The following EPHA2 variants were observed in gnomAD, a reference collection of about 807,000 sequenced individuals.
The protein encoded by EPHA2 is EPH receptor A2.
EPHA2 carries 54 observed loss-of-function variants against 104.9 expected under a neutral mutation model. The ratio of observed to expected loss-of-function variants is 0.51; its 90% CI spans 0.41 to 0.65. The LOEUF (loss-of-function observed/expected upper bound fraction) is 0.65. EPHA2 is among the 30% of genes least tolerant of loss of function. EPHA2 has a pLI of 0.00. For synonymous variants in EPHA2, 560 were observed against 559.1 expected, an observed-to-expected ratio of 1.00 and a Z score of -0.02; for missense variants, 1,117 against 1,369.5, an observed-to-expected ratio of 0.82 and a Z score of 2.91.
intron 16 of EPHA2, among the ~76,000 whole-genome samples, chr1:16,126,885 G>A (rs532152142): frequency 5.4e-4 from 82 of 152,188 alleles, no homozygotes; most frequent in Non-Finnish European, 9.1e-4. Flanking sequence ...ACCTGCTCCC[G>A]CCCCCACCCC....
rs1466315681 is a variant in EPHA2 at position 16,148,587 on chromosome 1, A to G, written c.614T>C (p.Leu205Pro). Residue 205 changes from leucine (L) to proline (P), a missense_variant, in exon 3 of 17, where the codon CTG becomes CCG. Leu to Pro is a moderately conservative substitution (Grantham distance 98, BLOSUM62 -3). This residue lies in a region of EPHA2 where 664 missense variants were observed against 784.8 expected (regional missense o/e 0.85). Transcript: ENST00000358432. This position sits in a 1 kb window ranked among gnomAD's most constrained non-coding sequence, Gnocchi z 4.9. ...RVYYKKCPEL[L>P]QGLAHFPETI... ...CTCAGGGAAGTGGGCCAGGCCCTGC[A>G]GCAGCTCGGGGCACTTCTTGTAGTA... The G allele has an allele frequency of 3.7e-6, 6 of 1,610,982 alleles. No individual in the cohort carries two copies. Among genetic ancestry groups the G allele is most frequent in the Non-Finnish European group, 5.1e-6 (6 of 1,179,972 alleles).
rs376750085 is a variant in EPHA2, at chr1:16,142,071, C to T, written c.824-3641G>A. On this transcript the variant is annotated intron_variant, in intron 3 of 16. Transcript: ENST00000358432. ...AGTGGGGACAGGGGTCACACACACT[C>T]AAACACACCCACATACACCAGATAC... Among the ~76,000 whole-genome samples the T allele has an allele frequency of 1.4e-4, 22 of 152,306 alleles. 1 individual carries two copies. In the East Asian group the frequency reaches 3.7e-3, roughly 25 times the overall value.
Position 16,135,089 on chromosome 1 carries a change from A to T in EPHA2, c.1529T>A (p.Leu510Gln). The change falls in exon 7 of 17, where the codon CTG becomes CAG. Residue 510 changes from leucine to glutamine, a missense_variant. Coordinates refer to ENST00000358432, the MANE Select transcript of EPHA2 (RefSeq NM_004431.5). The surrounding 1 kb of genome is among the most constrained non-coding windows in gnomAD (Gnocchi z 4.3). ...DTTYLVQVQALTQEGQGAGSK... is the reference protein window; with the variant it reads ...DTTYLVQVQAQTQEGQGAGSK... Reference sequence around the variant, plus strand: ...GCCGGCCCCCTGGCCCTCCTGCGTCAGTGCCTGCACCTGGACCAGGTAGGT... The same window carrying T: ...GCCGGCCCCCTGGCCCTCCTGCGTCTGTGCCTGCACCTGGACCAGGTAGGT... 6.2e-7 allele frequency: 1 copy of T among 1,613,850 alleles called. No individual in the cohort carries two copies. Among genetic ancestry groups the T allele is most frequent in the Non-Finnish European group, 8.5e-7 (1 of 1,180,012 alleles).
Position 16,135,311 on chromosome 1 carries a change from C to T in EPHA2, c.1429-122G>A, listed in dbSNP as rs2024662575. The T allele has an allele frequency of 9.9e-6, 13 of 1,308,908 alleles. 2 individuals are homozygous for T. The South Asian group carries it at 1.6e-4, about 16-fold the overall frequency. The allele number at this position is 1,308,908 out of a possible 1,614,324, so 81.1% of individuals were successfully genotyped here. ...TGCCTTTGTTAGCAAACTTGAGGCT[C>T]TTCTTACAGAGGAGGAAACTGAGGC... On this transcript the variant is annotated intron_variant, in intron 6 of 16. Coordinates refer to ENST00000358432, the MANE Select transcript of EPHA2 (RefSeq NM_004431.5). This position sits in a 1 kb window ranked among gnomAD's most constrained non-coding sequence, Gnocchi z 4.3.
rs1476576009 is a variant in EPHA2 at position 16,135,589 on chromosome 1, CTA to C, written c.1428+64_1428+65del. Reference sequence around the variant, plus strand: ...GATGGCTGGGTGGTTTGGTGATCATCTATGTGACCAGCCTGTCCCCTGCTGTC... The same window carrying C: ...GATGGCTGGGTGGTTTGGTGATCATCTGTGACCAGCCTGTCCCCTGCTGTC... On this transcript the variant is annotated intron_variant, in intron 6 of 16. Coordinates refer to ENST00000358432, the MANE Select transcript of EPHA2 (RefSeq NM_004431.5). This position sits in a 1 kb window ranked among gnomAD's most constrained non-coding sequence, Gnocchi z 4.3. 2 of 1,464,540 alleles carry C rather than the reference CTA, an allele frequency of 1.4e-6. No homozygotes were observed. Among genetic ancestry groups the C allele is most frequent in the Admixed American group, 3.3e-5 (2 of 59,774 alleles). The allele number at this position is 1,464,540 out of a possible 1,614,324, so 90.7% of individuals were successfully genotyped here. A position where few individuals can be genotyped will look rare whatever the true frequency, so the allele number is the denominator to read the frequency against.
At position 16,137,530 on chromosome 1, in the gene EPHA2, A is replaced by G. The variant is rs1017121239; in HGVS notation, c.1312+323T>C. On this transcript the variant is annotated intron_variant, in intron 5 of 16. Coordinates refer to ENST00000358432, the MANE Select transcript of EPHA2 (RefSeq NM_004431.5). ...GGAGAATTGCTTGAACCCGGAAGGC[A>G]GAGGTTGCAGTGAGCCGAGATCAAG... is the stretch of plus-strand genomic sequence containing the variant. 5.3e-4 allele frequency among the ~76,000 whole-genome samples: 80 copies of G among 152,276 alleles called. 1 individual carries two copies. The South Asian group carries it at 8.3e-3, about 16-fold the overall frequency.
At position 16,131,610 on chromosome 1, in the gene EPHA2, A is replaced by G; in HGVS notation, c.2475+111T>C. On this transcript the variant is annotated intron_variant, in intron 14 of 16. Transcript: ENST00000358432. This position sits in a 1 kb window ranked among gnomAD's most constrained non-coding sequence, Gnocchi z 5.2. ...AAAAAAAAATAAACATTTATGGAGC[A>G]AGCCTAAGAAGGTTCATCTAAACTG... 6.9e-7 allele frequency: 1 copy of G among 1,452,794 alleles called. No individual in the cohort carries two copies. The highest frequency in any genetic ancestry group is 9.4e-7 in the Non-Finnish European group (1 of 1,063,348). 90.0% of individuals were successfully genotyped at this position (1,452,794 alleles called of 1,614,324 possible). A position where few individuals can be genotyped will look rare whatever the true frequency, so the allele number is the denominator to read the frequency against.
In EPHA2 at chr1:16,148,825, A is replaced by T; in HGVS notation, c.376T>A (p.Ser126Thr). The change falls in exon 3 of 17, where the codon TCG (serine) becomes ACG (threonine). Residue 126 changes from serine to threonine, a missense_variant. Physicochemically the swap from Ser to Thr is moderately conservative, Grantham distance 58. Transcript: ENST00000358432. This position sits in a 1 kb window ranked among gnomAD's most constrained non-coding sequence, Gnocchi z 4.9. ...AAGTTGGTGCCGTAGTCCAGGTCCG[A>T]CTCGGCATAGTAGAGGTTGAAAGTC... ...KETFNLYYAE[S>T]DLDYGTNFQK... 1 of 1,614,024 alleles carries T rather than the reference A, an allele frequency of 6.2e-7. No individual in the cohort carries two copies. Among genetic ancestry groups the T allele is most frequent in the Non-Finnish European group, 8.5e-7 (1 of 1,180,024 alleles).
At chr1:16,127,985 T>C (rs1437612071) in intron 16 of EPHA2, among the ~76,000 whole-genome samples, 1 of 152,118 alleles carries the variant, frequency 6.6e-6, no homozygotes, top group East Asian at 1.9e-4. Context: ...AGAGGCTGTG[T>C]TGTCCTTGGT....
chr1:16,150,381 C>A lies in EPHA2; in HGVS notation c.153+515G>T, dbSNP rs2025012693. Among the ~76,000 whole-genome samples, 1 of 152,222 alleles carries A rather than the reference C, an allele frequency of 6.6e-6. No homozygotes were observed. Among genetic ancestry groups the A allele is most frequent in the Non-Finnish European group, 1.5e-5 (1 of 68,040 alleles). On this transcript the variant is annotated intron_variant, in intron 2 of 16. Transcript: ENST00000358432. The surrounding 1 kb of genome is among the most constrained non-coding windows in gnomAD (Gnocchi z 4.8). ...ATCAGGACGGCATAGAGGGGAAGACCTGGGTGAGAATGAGGCAGAGAAATG... is the reference window on the plus strand; with the variant it reads ...ATCAGGACGGCATAGAGGGGAAGACATGGGTGAGAATGAGGCAGAGAAATG...
intron 3 of EPHA2, among the ~76,000 whole-genome samples, chr1:16,145,506 C>T (rs2024916731): frequency 6.6e-6 from 1 of 152,174 alleles, no homozygotes; most frequent in Non-Finnish European, 1.5e-5. Context: ...CAGGGTGCCC[C>T]GCCTCGCTCT....
At chr1:16,133,056 G>C (rs2024608662) in intron 11 of EPHA2, 124 bp downstream of exon 11, 1 of 1,317,750 alleles carries the variant, frequency 7.6e-7, no homozygotes, top group Non-Finnish European at 1.0e-6. Flanking sequence ...CACAGTTGTA[G>C]AGGAGGTGGG....
Position 16,135,688 on chromosome 1 carries a change from T to G in EPHA2, c.1395A>C (p.Arg465=), listed in dbSNP as rs762766644. 6.2e-7 allele frequency: 1 copy of G among 1,613,862 alleles called. No homozygotes were observed. Among genetic ancestry groups the G allele is most frequent in the Non-Finnish European group, 8.5e-7 (1 of 1,179,994 alleles). ...GGTAAGTGACCTCGTACTTCCACAC[T>G]CGGCTCTGCTGCGGCGGGGGGATGC... The part of the protein sequence containing the change: ...SWSIPPPQQS[R]VWKYEVTYRK... The change falls in exon 6 of 17, where the codon CGA becomes CGC. Residue 465 remains arginine (R), a synonymous_variant. Transcript: ENST00000358432. This position sits in a 1 kb window ranked among gnomAD's most constrained non-coding sequence, Gnocchi z 4.3.
chr1:16,137,929 C>T lies in EPHA2; in HGVS notation c.1236G>A (p.Val412=), dbSNP rs572852857. Residue 412 remains valine (V), a synonymous_variant, in exon 5 of 17, where the codon GTG becomes GTA. Coordinates refer to ENST00000358432, the MANE Select transcript of EPHA2 (RefSeq NM_004431.5). ...GGCCTGAGACGCCATTGCGGGCCTC[C>T]ACGGTGAAGGTGTAGTTCATGTGGG... The part of the protein sequence containing the change: ...LEPHMNYTFT[V]EARNGVSGLV... 9.8e-5 allele frequency: 158 copies of T among 1,614,148 alleles called. No individual in the cohort carries two copies. In the South Asian group the frequency reaches 1.7e-3, roughly 17 times the overall value.
At chr1:16,138,784 G>A (rs545392818) in intron 3 of EPHA2, among the ~76,000 whole-genome samples, 4 of 152,302 alleles carry the variant, frequency 2.6e-5, no homozygotes, top group South Asian at 4.1e-4. Context: ...GACCAAGCAC[G>A]CTGCCCACCG....
chr1:16,151,346 G>A (rs1048351646), intron 1 of EPHA2, among the ~76,000 whole-genome samples: 2 of 152,148 alleles, frequency 1.3e-5, no homozygotes, highest in Admixed American at 6.5e-5. Flanking sequence ...ACACCACACC[G>A]CCCCCTCTGC....
rs1013588652 is a variant in EPHA2, at chr1:16,133,872, A to C, written c.1726T>G (p.Phe576Val). The C allele has an allele frequency of 2.6e-5, 41 of 1,549,974 alleles. No individual in the cohort carries two copies. Among genetic ancestry groups the C allele is most frequent in the Non-Finnish European group, 3.6e-5 (41 of 1,146,088 alleles). ...GGCTGCGTCTCACCTGACTTGGAGA[A>C]GTAAACGTCCTCCGGGGACTGGCGG... is the stretch of plus-strand genomic sequence containing the variant. ...RARQSPEDVY[F>V]SKSEQLKPLK... The change falls in exon 9 of 17, where the codon TTC (phenylalanine) becomes GTC (valine). Residue 576 changes from phenylalanine (F) to valine (V), a missense_variant. By Grantham distance (50) the Phe-to-Val change is conservative. This residue lies in a region of EPHA2 where 113 missense variants were observed against 104.3 expected (regional missense o/e 1.08). Transcript: ENST00000358432.
At position 16,130,517 on chromosome 1, in the gene EPHA2, C is replaced by G. The variant is rs1366456807; in HGVS notation, c.2476-98G>C. On this transcript the variant is annotated intron_variant, in intron 14 of 16. Coordinates refer to ENST00000358432, the MANE Select transcript of EPHA2 (RefSeq NM_004431.5). This position sits in a 1 kb window ranked among gnomAD's most constrained non-coding sequence, Gnocchi z 4.5. Reference sequence around the variant, plus strand: ...AGGTGGGCAGGGGAGGGGAGGGGAACAGGAACATCCCAGAAACAGACAGGA... The same window carrying G: ...AGGTGGGCAGGGGAGGGGAGGGGAAGAGGAACATCCCAGAAACAGACAGGA... 7 of 1,217,244 alleles carry G rather than the reference C, an allele frequency of 5.8e-6. No individual in the cohort carries two copies. The Admixed American group carries it at 9.0e-5, about 16-fold the overall frequency. The allele number at this position is 1,217,244 out of a possible 1,614,324, so 75.4% of individuals were successfully genotyped here. A position where few individuals can be genotyped will look rare whatever the true frequency, so the allele number is the denominator to read the frequency against.
intron 1 of EPHA2, among the ~76,000 whole-genome samples, chr1:16,154,822 C>T (rs1308900795): frequency 6.6e-6 from 1 of 152,006 alleles, no homozygotes; most frequent in South Asian, 2.1e-4. Flanking sequence ...CCCGGCTTCC[C>T]CCTTGTGGAG....
Sources: gnomAD v4.1 joint callset for allele counts (sites outside exome capture counted in the v4.1 genomes callset) on GRCh38, gnomAD v4.1.1 for gene constraint, gnomAD v4.1.1 regional missense constraint, Gnocchi (gnomAD v3.1) non-coding constraint, MANE v1.5 for transcripts, NCBI Gene and HGNC (gene_info 2026-07-23, HGNC 2026-07-21) for gene names.